The following FBN2 variants were observed in gnomAD, a reference collection of about 807,000 sequenced individuals.
FBN2 encodes the protein fibrillin-2.
In FBN2, 105 loss-of-function variants were observed where a neutral mutation model predicts 355.6. The ratio of observed to expected loss-of-function variants is 0.30; its 90% CI spans 0.25 to 0.35. The LOEUF (loss-of-function observed/expected upper bound fraction) is 0.35, where lower values mean the gene tolerates loss of function less well. FBN2 is among the 10% of genes least tolerant of loss of function. FBN2 has a pLI of 1.00. For missense variants in FBN2, 3,280 were observed against 3,758.7 expected, an observed-to-expected ratio of 0.87 and a Z score of 3.33; for synonymous variants, 1,350 against 1,301.2, an observed-to-expected ratio of 1.04 and a Z score of -0.81.
chr5:128,516,555 C>T (rs1286480305), intron 5 of FBN2, among the ~76,000 whole-genome samples: 1 of 152,072 alleles, frequency 6.6e-6, no homozygotes, highest in Admixed American at 6.6e-5. Flanking sequence ...AAAGCCCAGA[C>T]AGCTAGAAAA....
intron 37 of FBN2, 40 bp from the exon 38 acceptor site, chr5:128,311,993 T>G: frequency 7.2e-7 from 1 of 1,380,610 alleles, no homozygotes; most frequent in Non-Finnish European, 1.0e-6. Flanking sequence ...GATACCTGTG[T>G]CCAAGTGGCT....
At chr5:128,516,766 C>T (rs1220786466) in intron 5 of FBN2, among the ~76,000 whole-genome samples, 1 of 152,052 alleles carries the variant, frequency 6.6e-6, no homozygotes, top group Non-Finnish European at 1.5e-5. Flanking sequence ...AGCTTACTCA[C>T]CAACCTCAAC....
intron 6 of FBN2, among the ~76,000 whole-genome samples, chr5:128,448,830 T>C (rs1166937800): frequency 6.6e-6 from 1 of 152,140 alleles, no homozygotes; most frequent in Non-Finnish European, 1.5e-5. Context: ...TTGGAATTGT[T>C]GGAATTGTCG....
At chr5:128,425,167 G>A (rs1359269071) in intron 7 of FBN2, among the ~76,000 whole-genome samples, 5 of 151,966 alleles carry the variant, frequency 3.3e-5, no homozygotes, top group Admixed American at 3.3e-4. Flanking sequence ...AGACAAGTGA[G>A]ATCAAGTTAT....
chr5:128,295,317 G>A (rs549503281), intron 48 of FBN2, among the ~76,000 whole-genome samples: 1,856 of 152,006 alleles, frequency 0.012, 19 homozygotes, highest in African/African-American at 0.042. Flanking sequence ...TTGGTGATGC[G>A]GGCTCTTTTT....
At chr5:128,473,760 C>T (rs1397987767) in intron 5 of FBN2, among the ~76,000 whole-genome samples, 1 of 152,144 alleles carries the variant, frequency 6.6e-6, no homozygotes, top group Non-Finnish European at 1.5e-5. Context: ...CTGGTTTCTC[C>T]CAAAGATGAG....
intron 15 of FBN2, among the ~76,000 whole-genome samples, chr5:128,374,410 G>A (rs371418045): frequency 2.6e-5 from 4 of 151,956 alleles, no homozygotes; most frequent in East Asian, 1.9e-4. Flanking sequence ...TTGTCACAAC[G>A]GACTTGCCGA....
chr5:128,442,049 T>C (rs1454459905), intron 7 of FBN2: 1 of 251,444 alleles, frequency 4.0e-6, no homozygotes, highest in Non-Finnish European at 7.9e-6. Context: ...TAAGCAGAGT[T>C]GGAACAGCAG....
intron 55 of FBN2, 21 bp from the exon 56 acceptor site, chr5:128,280,338 T>C (rs753766468): frequency 1.9e-6 from 3 of 1,590,370 alleles, no homozygotes; most frequent in Non-Finnish European, 2.6e-6. Flanking sequence ...ACAAACAATA[T>C]GAATAATGAG....
rs376398925 is a variant in FBN2 at position 128,519,327 on chromosome 5, C to G, written c.574G>C (p.Gly192Arg). 2 of 1,613,918 alleles carry G rather than the reference C, an allele frequency of 1.2e-6. No individual in the cohort carries two copies. The highest frequency in any genetic ancestry group is 1.3e-5 in the African/African-American group (1 of 74,996). Reference protein sequence around the residue: ...NGCQNGGRCIGPNRCACVYGF... With the variant: ...NGCQNGGRCIRPNRCACVYGF... ...TAAACACAAGCACAGCGGTTGGGTCCGATGCAACGTCCACCATTCTGACAT... is the reference window on the plus strand; with the variant it reads ...TAAACACAAGCACAGCGGTTGGGTCGGATGCAACGTCCACCATTCTGACAT... Residue 192 changes from glycine to arginine, a missense_variant, in exon 5 of 65, where the codon GGA becomes CGA. Coordinates refer to ENST00000262464, the MANE Select transcript of FBN2 (RefSeq NM_001999.4).
In FBN2 at chr5:128,378,968, A is replaced by G. The variant is rs1405020537; in HGVS notation, c.1604-78T>C. 93 of 1,531,522 alleles carry G rather than the reference A, an allele frequency of 6.1e-5. 2 individuals carry two copies. In the South Asian group the frequency reaches 6.7e-4, roughly 11 times the overall value. 94.9% of individuals were successfully genotyped at this position (1,531,522 alleles called of 1,614,324 possible). On this transcript the variant is annotated intron_variant, in intron 11 of 64. Transcript: ENST00000262464. ...TTGTTTAAAGTACATTTAGTCCTCT[A>G]AAGTTTGAGAGAAGGCCAGTCAGTG...
intron 12 of FBN2, 44 bp downstream of exon 12, chr5:128,378,727 A>G: frequency 5.0e-6 from 8 of 1,609,738 alleles, no homozygotes; most frequent in Non-Finnish European, 6.8e-6. Context: ...CTTGGTCACT[A>G]TATTTCATGG....
intron 6 of FBN2, among the ~76,000 whole-genome samples, chr5:128,464,115 A>G (rs1488085229): frequency 6.6e-6 from 1 of 152,228 alleles, no homozygotes; most frequent in Non-Finnish European, 1.5e-5. Flanking sequence ...CTTGGATTGC[A>G]GTCTACTAAG....
At chr5:128,405,207 G>A (rs1355475663) in intron 8 of FBN2, among the ~76,000 whole-genome samples, 2 of 152,046 alleles carry the variant, frequency 1.3e-5, no homozygotes, top group Non-Finnish European at 2.9e-5. Context: ...AAACAAAAAA[G>A]GAAAAGTGAT....
At chr5:128,292,846 C>T (rs2126823498) in intron 48 of FBN2, among the ~76,000 whole-genome samples, 1 of 152,306 alleles carries the variant, frequency 6.6e-6, no homozygotes, top group South Asian at 2.1e-4. Flanking sequence ...TGAACTGCCA[C>T]CCTCTCACAA....
intron 27 of FBN2, among the ~76,000 whole-genome samples, chr5:128,336,411 G>A (rs908442121): frequency 4.6e-5 from 7 of 152,194 alleles, no homozygotes; most frequent in African/African-American, 1.4e-4. Flanking sequence ...AATATTTAAT[G>A]TTATTTAATT....
intron 7 of FBN2, among the ~76,000 whole-genome samples, chr5:128,410,993 C>G (rs1040926190): frequency 6.6e-6 from 1 of 152,160 alleles, no homozygotes; most frequent in Non-Finnish European, 1.5e-5. Context: ...AAAATACTGA[C>G]CAAAACCCCT....
chr5:128,420,981 T>C (rs1353180752), intron 7 of FBN2, among the ~76,000 whole-genome samples: 1 of 152,118 alleles, frequency 6.6e-6, no homozygotes, highest in Non-Finnish European at 1.5e-5. Context: ...CCCTAAAGAA[T>C]GGGGTGGAAC....
At chr5:128,293,421 G>T (rs1324729252) in intron 48 of FBN2, among the ~76,000 whole-genome samples, 1 of 152,074 alleles carries the variant, frequency 6.6e-6, no homozygotes, top group Non-Finnish European at 1.5e-5. Context: ...GAACCCAGGA[G>T]GTGGGGGTTG....
Sources: gnomAD v4.1 joint callset for allele counts (sites outside exome capture counted in the v4.1 genomes callset) on GRCh38, gnomAD v4.1.1 for gene constraint, MANE v1.5 for transcripts, NCBI Gene and HGNC (gene_info 2026-07-23, HGNC 2026-07-21) for gene names.